KY: variants seen among roughly 807,000 people sequenced by gnomAD.
KY encodes kyphoscoliosis peptidase.
KY carries 43 observed loss-of-function variants against 76.1 expected under a neutral mutation model. The observed-to-expected ratio is 0.57, with a 90% CI of 0.44 to 0.73. The LOEUF (loss-of-function observed/expected upper bound fraction) is 0.73. KY is among the 30% of genes least tolerant of loss of function. The probability of loss-of-function intolerance (pLI) is 0.00; values close to 1 mark genes in which losing one functional copy is unlikely to be tolerated. For synonymous variants in KY, 277 were observed against 326.2 expected (o/e 0.85, Z 1.63); for missense variants, 722 against 828.9 (o/e 0.87, Z 1.58).
At chr3:134,627,926 T>C (rs1963686918) in intron 4 of KY, 108 bp from the exon 5 acceptor site, 2 of 823,452 alleles carry the variant, frequency 2.4e-6, no homozygotes, top group Admixed American at 2.0e-5. Flanking sequence ...TCCTCTTTAC[T>C]CTCCTTTTCA....
chr3:134,608,033 T>G lies in KY; in HGVS notation c.1090+616A>C, dbSNP rs2107756530. 5 of 1,051,212 alleles carry G rather than the reference T, an allele frequency of 4.8e-6. No individual in the cohort carries two copies. The South Asian group carries it at 1.7e-4, about 35-fold the overall frequency. The allele number at this position is 1,051,212 out of a possible 1,614,324, so 65.1% of individuals were successfully genotyped here. A position where few individuals can be genotyped will look rare whatever the true frequency, so the allele number is the denominator to read the frequency against. On this transcript the variant is annotated intron_variant, in intron 10 of 10. Coordinates refer to ENST00000423778, the MANE Select transcript of KY (RefSeq NM_178554.6). ...CCCAAGACCCAGCTCAGTGGCCACC[T>G]CCCTAAGGAAGTCTGCCCCAACTCT...
chr3:134,635,010 A>G (rs1336830266), intron 3 of KY, among the ~76,000 whole-genome samples: 2 of 152,256 alleles, frequency 1.3e-5, no homozygotes, highest in African/African-American at 4.8e-5. Context: ...AAAACAAAAC[A>G]TGTACTTACC....
rs571941228 is a variant in KY at position 134,623,404 on chromosome 3, G to C, written c.483+1649C>G. Among the ~76,000 whole-genome samples, 28 of 152,230 alleles carry C rather than the reference G, an allele frequency of 1.8e-4. 1 individual carries two copies. The highest frequency in any genetic ancestry group is 6.5e-4 in the African/African-American group (27 of 41,520). On this transcript the variant is annotated intron_variant, in intron 6 of 10. Transcript: ENST00000423778. ...AGGCCAGGTGGGACTTCCTCACTAA[G>C]AGTCTCATCCTCCCCTCCTGCTTCA...
intron 3 of KY, among the ~76,000 whole-genome samples, chr3:134,639,020 T>G (rs905797162): frequency 6.6e-6 from 1 of 150,650 alleles, no homozygotes; most frequent in Middle Eastern, 3.4e-3. Flanking sequence ...GTTAACTTTT[T>G]CTATAACAGG....
At chr3:134,638,561 G>A (rs183090033) in intron 3 of KY, among the ~76,000 whole-genome samples, 46 of 152,302 alleles carry the variant, frequency 3.0e-4, no homozygotes, top group Admixed American at 1.4e-3. Flanking sequence ...GACCGTCTTA[G>A]TTAAGAGCAT....
chr3:134,650,742 G>T, intron 1 of KY, 83 bp downstream of exon 1: 1 of 1,303,214 alleles, frequency 7.7e-7, no homozygotes, highest in Non-Finnish European at 1.0e-6. Flanking sequence ...GGGGAGCAAT[G>T]GGCGCCCCCC....
chr3:134,643,099 T>C (rs1965966786), intron 3 of KY, among the ~76,000 whole-genome samples: 1 of 152,194 alleles, frequency 6.6e-6, no homozygotes, highest in African/African-American at 2.4e-5. Flanking sequence ...GGGCTTTATT[T>C]CTTGATCTCA....
At chr3:134,619,526 C>T (rs896293894) in intron 7 of KY, among the ~76,000 whole-genome samples, 6 of 152,246 alleles carry the variant, frequency 3.9e-5, no homozygotes, top group African/African-American at 1.4e-4. Context: ...GGGACCAGGA[C>T]AGTGCAGAGG....
At position 134,629,626 on chromosome 3, in the gene KY, G is replaced by A. The variant is rs924859054; in HGVS notation, c.332C>T (p.Ala111Val). 5.6e-6 allele frequency: 9 copies of A among 1,598,242 alleles called. No individual in the cohort carries two copies. The highest frequency in any genetic ancestry group is 7.7e-6 in the Non-Finnish European group (9 of 1,172,094). ...AGTACCTGTGTCATACATACGTTTA[G>A]CCAAGGAGAACTTCTTGAGCAGCTG... ...MPQLLKKFSL[A>V]KRLQGDKNGN... The change falls in exon 4 of 11, where the codon GCT becomes GTT. Residue 111 changes from alanine to valine, a missense_variant. Coordinates refer to ENST00000423778, the MANE Select transcript of KY (RefSeq NM_178554.6).
At chr3:134,608,540 G>T (rs1959670024) in intron 10 of KY, 109 bp downstream of exon 10, 2 of 1,603,126 alleles carry the variant, frequency 1.2e-6, no homozygotes, top group Admixed American at 1.7e-5. Flanking sequence ...CACAAGCCAT[G>T]CGTCTGGAAG....
chr3:134,622,376 A>G (rs1460057902), intron 6 of KY, among the ~76,000 whole-genome samples: 1 of 152,250 alleles, frequency 6.6e-6, no homozygotes. Context: ...AATATTATTC[A>G]ACTACAAAAA....
At chr3:134,613,807 A>T (rs569168870) in intron 8 of KY, among the ~76,000 whole-genome samples, 88 of 152,292 alleles carry the variant, frequency 5.8e-4, no homozygotes, top group Admixed American at 2.5e-3. Context: ...TCTCATGCAA[A>T]ATCCTCTGTA....
At chr3:134,621,641 A>G (rs553750887) in intron 6 of KY, among the ~76,000 whole-genome samples, 6 of 152,248 alleles carry the variant, frequency 3.9e-5, no homozygotes, top group Non-Finnish European at 5.9e-5. Context: ...GTTAATCTTC[A>G]TGACCTTGGA....
intron 5 of KY, among the ~76,000 whole-genome samples, chr3:134,625,906 C>G (rs1294238267): frequency 1.3e-5 from 2 of 152,232 alleles, no homozygotes; most frequent in African/African-American, 4.8e-5. Context: ...AACTAGAGAC[C>G]AGTGCTGATG....
intron 1 of KY, among the ~76,000 whole-genome samples, chr3:134,647,751 G>C (rs1966604214): frequency 6.6e-6 from 1 of 152,128 alleles, no homozygotes; most frequent in African/African-American, 2.4e-5. Context: ...AATTTTTGTA[G>C]TACAGATGCC....
chr3:134,601,367 G>T lies in KY; in HGVS notation c.*2212C>A, dbSNP rs1201619400. ...GGTGGCATTCTCTGCAATGCTCCAG[G>T]ATGTATTGATTAATTATATTGCATA... is the stretch of plus-strand genomic sequence containing the variant. On this transcript the variant is annotated 3_prime_UTR_variant, in exon 11 of 11. Transcript: ENST00000423778. Among the ~76,000 whole-genome samples, 5 of 152,188 alleles carry T rather than the reference G, an allele frequency of 3.3e-5. No individual in the cohort carries two copies. The highest frequency in any genetic ancestry group is 7.3e-5 in the Non-Finnish European group (5 of 68,038).
chr3:134,636,493 C>T (rs888360733), intron 3 of KY, among the ~76,000 whole-genome samples: 1 of 152,204 alleles, frequency 6.6e-6, no homozygotes, highest in Non-Finnish European at 1.5e-5. Context: ...CCATAACAGC[C>T]ATGTGAATGA....
At chr3:134,631,115 A>C (rs1964167678) in intron 3 of KY, among the ~76,000 whole-genome samples, 1 of 152,212 alleles carries the variant, frequency 6.6e-6, no homozygotes, top group Admixed American at 6.5e-5. Flanking sequence ...TCTAACAGTC[A>C]CATCATTGAA....
intron 1 of KY, 55 bp downstream of exon 1, chr3:134,650,770 G>A: frequency 6.8e-7 from 1 of 1,479,700 alleles, no homozygotes; most frequent in South Asian, 1.4e-5. Flanking sequence ...AGGCCCTTGT[G>A]GCAAGGAGGC....
Sources: gnomAD v4.1 joint callset for allele counts (sites outside exome capture counted in the v4.1 genomes callset) on GRCh38, gnomAD v4.1.1 for gene constraint, MANE v1.5 for transcripts, NCBI Gene and HGNC (gene_info 2026-07-23, HGNC 2026-07-21) for gene names.